Variants in PSD3 observed in about 807,000 individuals in gnomAD.
The protein encoded by PSD3 is PH and SEC7 domain-containing protein 3.
Under a neutral mutation model 105.5 loss-of-function variants are expected in PSD3, and 49 were observed. The ratio of observed to expected loss-of-function variants is 0.46; its 90% CI spans 0.37 to 0.59. The LOEUF is 0.59. PSD3 is among the 20% of genes least tolerant of loss of function. PSD3 has a pLI of 0.00. For synonymous variants in PSD3, 557 were observed against 457.8 expected (o/e 1.22, Z -2.77); for missense variants, 1,561 against 1,263.8 (o/e 1.24, Z -3.57).
intron 9 of PSD3, among the ~76,000 whole-genome samples, chr8:18,749,184 A>T (rs952437269): frequency 2.0e-5 from 3 of 152,172 alleles, no homozygotes; most frequent in South Asian, 4.1e-4. Flanking sequence ...ATAGTAACTA[A>T]CACATGGAGT....
At chr8:18,887,524 AAACT>A (rs1316614972) in intron 2 of PSD3, among the ~76,000 whole-genome samples, 1 of 152,248 alleles carries the variant, frequency 6.6e-6, no homozygotes, top group African/African-American at 2.4e-5. Flanking sequence ...CCAAATGTAA[AAACT>A]AATAGGTTTA....
At chr8:18,859,865 T>A (rs1816306824) in intron 4 of PSD3, among the ~76,000 whole-genome samples, 3 of 152,198 alleles carry the variant, frequency 2.0e-5, no homozygotes, top group Non-Finnish European at 1.5e-5. Flanking sequence ...TTTCTCTATA[T>A]CAGAAATAAG....
At chr8:18,547,790 C>CAA (rs1215754799) in intron 15 of PSD3, among the ~76,000 whole-genome samples, 4 of 152,064 alleles carry the variant, frequency 2.6e-5, no homozygotes, top group Non-Finnish European at 5.9e-5. Flanking sequence ...TGGGTGGAAC[C>CAA]TGATTGGAGG....
chr8:18,855,711 A>G (rs1815956338), intron 4 of PSD3, among the ~76,000 whole-genome samples: 2 of 151,174 alleles, frequency 1.3e-5, no homozygotes, highest in Admixed American at 6.6e-5. Context: ...AACACTGTCT[A>G]ATGATTACAG....
At chr8:19,012,844 C>G (rs1827017267) in intron 1 of PSD3, among the ~76,000 whole-genome samples, 1 of 152,300 alleles carries the variant, frequency 6.6e-6, no homozygotes, top group East Asian at 1.9e-4. Context: ...ATCCCGCTAT[C>G]GGGAGAACCA....
intron 10 of PSD3, among the ~76,000 whole-genome samples, chr8:18,653,550 A>T (rs148828897): frequency 1.3e-4 from 20 of 152,276 alleles, no homozygotes; most frequent in African/African-American, 4.3e-4. Flanking sequence ...TTGGTCAGTG[A>T]ACCAGCTACT....
At chr8:18,897,504 C>T (rs1420837815) in intron 2 of PSD3, among the ~76,000 whole-genome samples, 2 of 152,098 alleles carry the variant, frequency 1.3e-5, no homozygotes, top group Non-Finnish European at 2.9e-5. Context: ...TGGTTCTAGG[C>T]AAATTTTAGG....
chr8:18,791,856 C>T (rs1162395362), intron 8 of PSD3, among the ~76,000 whole-genome samples: 3 of 152,076 alleles, frequency 2.0e-5, no homozygotes, highest in Admixed American at 1.3e-4. Flanking sequence ...CCGGCACCTA[C>T]AAGGAATTTA....
intron 9 of PSD3, among the ~76,000 whole-genome samples, chr8:18,715,945 A>G (rs1387560777): frequency 1.3e-5 from 2 of 152,220 alleles, no homozygotes; most frequent in African/African-American, 4.8e-5. Context: ...GATTTGAGTG[A>G]GGGAGCTGGC....
At chr8:18,603,388 C>G (rs1180830933) in intron 11 of PSD3, among the ~76,000 whole-genome samples, 1 of 151,920 alleles carries the variant, frequency 6.6e-6, no homozygotes, top group Non-Finnish European at 1.5e-5. Flanking sequence ...CTTTCTGTAC[C>G]TCAGATTGCT....
At chr8:18,913,110 C>T (rs1820355602) in intron 2 of PSD3, among the ~76,000 whole-genome samples, 1 of 151,310 alleles carries the variant, frequency 6.6e-6, no homozygotes, top group African/African-American at 2.4e-5. Flanking sequence ...CACACACACA[C>T]ACACACACAC....
intron 9 of PSD3, among the ~76,000 whole-genome samples, chr8:18,741,766 G>C (rs1420261134): frequency 7.0e-6 from 1 of 143,502 alleles, no homozygotes. Context: ...AACAATATGG[G>C]CTTCAACACA....
intron 1 of PSD3, among the ~76,000 whole-genome samples, chr8:19,055,326 T>G (rs1428109214): frequency 6.6e-6 from 1 of 152,154 alleles, no homozygotes; most frequent in East Asian, 1.9e-4. Context: ...GAGTCTCGGC[T>G]CACTGCAGTC....
rs117634908 is a variant in PSD3 at position 18,574,194 on chromosome 8, A to G, written c.2639+934T>C. 1.5e-3 allele frequency among the ~76,000 whole-genome samples: 235 copies of G among 152,262 alleles called. 2 individuals are homozygous for G. In the East Asian group the frequency reaches 0.017, roughly 11 times the overall value. On this transcript the variant is annotated intron_variant, in intron 13 of 15. Coordinates refer to ENST00000327040, the MANE Select transcript of PSD3 (RefSeq NM_015310.4). Reference sequence around the variant, plus strand: ...TCAGCCAAAGTCATTTCCTTCATCAATTACTCTGAGAGAAACCACACAAAC... The same window carrying G: ...TCAGCCAAAGTCATTTCCTTCATCAGTTACTCTGAGAGAAACCACACAAAC...
chr8:18,645,982 A>C (rs1212985833), intron 10 of PSD3, among the ~76,000 whole-genome samples: 2 of 152,142 alleles, frequency 1.3e-5, no homozygotes, highest in African/African-American at 2.4e-5. Context: ...TATATTTAAA[A>C]TATATGTTTT....
chr8:18,611,629 T>C (rs1805272797), intron 11 of PSD3, among the ~76,000 whole-genome samples: 1 of 152,146 alleles, frequency 6.6e-6, no homozygotes, highest in East Asian at 1.9e-4. Flanking sequence ...CTAAAGAAAA[T>C]GCATCAAATT....
chr8:18,845,708 A>T (rs1815030478), intron 4 of PSD3, among the ~76,000 whole-genome samples: 1 of 152,224 alleles, frequency 6.6e-6, no homozygotes, highest in Admixed American at 6.5e-5. Flanking sequence ...AGGGCAAAGC[A>T]GGAGGATCAT....
intron 4 of PSD3, among the ~76,000 whole-genome samples, chr8:18,820,517 C>G (rs1383333438): frequency 2.6e-5 from 4 of 152,108 alleles, no homozygotes; most frequent in Non-Finnish European, 5.9e-5. Flanking sequence ...TGCTGTATAC[C>G]TTAAGTCATC....
intron 12 of PSD3, among the ~76,000 whole-genome samples, chr8:18,591,772 T>C (rs546873301): frequency 1.3e-5 from 2 of 152,182 alleles, no homozygotes; most frequent in Non-Finnish European, 2.9e-5. Context: ...AGGGAACTGA[T>C]GGCATACACT....
Sources: gnomAD v4.1 joint callset for allele counts (sites outside exome capture counted in the v4.1 genomes callset) on GRCh38, gnomAD v4.1.1 for gene constraint, MANE v1.5 for transcripts, NCBI Gene and HGNC (gene_info 2026-07-23, HGNC 2026-07-21) for gene names.